The following SS18 variants were observed in gnomAD, a reference collection of about 807,000 sequenced individuals.
SS18 encodes protein SSXT.
In SS18, 28 loss-of-function variants were observed where a neutral mutation model predicts 72.5. The observed-to-expected ratio is 0.39, with a 90% CI of 0.29 to 0.53. The LOEUF is 0.53. Among genes scored for constraint, SS18 ranks in the 20% least tolerant of loss-of-function variants. The pLI is 0.76. For synonymous variants in SS18, 172 were observed against 164.2 expected (o/e 1.05, Z -0.37); for missense variants, 518 against 535.3 (o/e 0.97, Z 0.32).
intron 3 of SS18, among the ~76,000 whole-genome samples, chr18:26,077,508 A>G (rs1052835573): frequency 2.6e-5 from 4 of 152,160 alleles, no homozygotes; most frequent in Non-Finnish European, 5.9e-5. Context: ...ACTAAGACAC[A>G]TATCAACCAA....
intron 2 of SS18, 142 bp from the exon 3 acceptor site, chr18:26,078,302 T>A: frequency 1.9e-6 from 1 of 535,766 alleles, no homozygotes; most frequent in Non-Finnish European, 3.3e-6. Flanking sequence ...TTTCCTACAC[T>A]GCAAAAGTTC....
In SS18 at chr18:26,057,566, T is replaced by C. The variant is rs139968250; in HGVS notation, c.385+23A>G. ...AGTTGCTAAGCAACTCTGGTGTTAA[T>C]GTCTTAGAGGAGAAAAACTTACCAG... On this transcript the variant is annotated intron_variant, in intron 4 of 10. Coordinates refer to ENST00000415083, the MANE Select transcript of SS18 (RefSeq NM_001007559.3). 368 of 1,613,914 alleles carry C rather than the reference T, an allele frequency of 2.3e-4. 3 individuals carry two copies. The East Asian group carries it at 8.2e-3, about 36-fold the overall frequency.
At chr18:26,083,205 T>A (rs2054558864) in intron 2 of SS18, among the ~76,000 whole-genome samples, 2 of 152,146 alleles carry the variant, frequency 1.3e-5, no homozygotes, top group South Asian at 2.1e-4. Flanking sequence ...GTTCACCAAG[T>A]ATATGTGAGA....
At chr18:26,087,054 A>G (rs1283465871) in intron 2 of SS18, among the ~76,000 whole-genome samples, 1 of 152,256 alleles carries the variant, frequency 6.6e-6, no homozygotes, top group Non-Finnish European at 1.5e-5. Context: ...AATGTGGTAC[A>G]GCTGCATAAC....
rs571089682 is a variant in SS18 at position 26,084,870 on chromosome 18, T to C, written c.146+2631A>G. Among the ~76,000 whole-genome samples, 18 of 152,318 alleles carry C rather than the reference T, an allele frequency of 1.2e-4. No individual in the cohort carries two copies. In the East Asian group the frequency reaches 1.9e-3, roughly 16 times the overall value. ...CCCTGGACCAGAAAATATGCACTAA[T>C]AGGACAACTGGCAAAATTCAAAAAA... On this transcript the variant is annotated intron_variant, in intron 2 of 10. Transcript: ENST00000415083.
At position 26,016,522 on chromosome 18, in the gene SS18, A is replaced by T. The variant is rs1447267067; in HGVS notation, c.*1832T>A. Reference sequence around the variant, plus strand: ...TGGATCACCTGAGGTCAGGAGTTCGAGACCAGCCTGGCCAACATGGCGAAA... The same window carrying T: ...TGGATCACCTGAGGTCAGGAGTTCGTGACCAGCCTGGCCAACATGGCGAAA... On this transcript the variant is annotated 3_prime_UTR_variant, in exon 11 of 11. Coordinates refer to ENST00000415083, the MANE Select transcript of SS18 (RefSeq NM_001007559.3). The T allele has an allele frequency of 5.5e-6, 1 of 180,528 alleles. No homozygotes were observed. Among genetic ancestry groups the T allele is most frequent in the Non-Finnish European group, 1.2e-5 (1 of 84,444 alleles). The allele number at this position is 180,528 out of a possible 1,614,324, so 11.2% of individuals were successfully genotyped here.
At chr18:26,073,858 C>A (rs1287819134) in intron 3 of SS18, among the ~76,000 whole-genome samples, 2 of 152,126 alleles carry the variant, frequency 1.3e-5, no homozygotes, top group East Asian at 3.8e-4. Context: ...TCACTGAATA[C>A]CATTTTTACT....
Position 26,082,267 on chromosome 18 carries a change from TC to T in SS18, c.147-4108del, listed in dbSNP as rs542895843. On this transcript the variant is annotated intron_variant, in intron 2 of 10. Transcript: ENST00000415083. ...CACAGAGGCCACTAAGAGTAACTCA[TC>T]AATTACTTTGAATAAAGTAAAATGG... is the stretch of plus-strand genomic sequence containing the variant. 1.5e-3 allele frequency: 794 copies of T among 539,224 alleles called. 4 individuals are homozygous for T. Among genetic ancestry groups the T allele is most frequent in the African/African-American group, 0.014 (690 of 48,786 alleles). 33.4% of individuals were successfully genotyped at this position (539,224 alleles called of 1,614,324 possible).
At chr18:26,046,714 A>T (rs773454734) in intron 5 of SS18, among the ~76,000 whole-genome samples, 9 of 152,210 alleles carry the variant, frequency 5.9e-5, no homozygotes, top group Non-Finnish European at 1.2e-4. Flanking sequence ...TATGTTGGCC[A>T]AGTCCCTCTT....
At chr18:26,036,345 C>T (rs898115393) in intron 7 of SS18, among the ~76,000 whole-genome samples, 1 of 152,200 alleles carries the variant, frequency 6.6e-6, no homozygotes, top group East Asian at 1.9e-4. Context: ...AAAAACAATG[C>T]AAAATATAAA....
intron 5 of SS18, among the ~76,000 whole-genome samples, chr18:26,043,410 C>T (rs879573324): frequency 6.6e-6 from 1 of 151,334 alleles, no homozygotes; most frequent in Admixed American, 6.6e-5. Flanking sequence ...AGATAATACC[C>T]TCCTCAGGCC....
At chr18:26,078,231 T>C (rs1243435512) in intron 2 of SS18, 71 bp from the exon 3 acceptor site, 3 of 1,048,716 alleles carry the variant, frequency 2.9e-6, no homozygotes, top group East Asian at 2.5e-5. Flanking sequence ...CAAACAGCAC[T>C]ATAATCATTT....
In SS18 at chr18:26,018,387, G is replaced by A. The variant is rs775218070; in HGVS notation, c.1231-7C>T. 2 of 1,567,038 alleles carry A rather than the reference G, an allele frequency of 1.3e-6. No individual in the cohort carries two copies. The highest frequency in any genetic ancestry group is 8.8e-7 in the Non-Finnish European group (1 of 1,141,222). On this transcript the variant is annotated splice_region_variant and splice_polypyrimidine_tract_variant and intron_variant, in intron 10 of 10. Coordinates refer to ENST00000415083, the MANE Select transcript of SS18 (RefSeq NM_001007559.3). The stretch of plus-strand genomic sequence containing the variant: ...GGTAATTTCCATACTGTCCCTAAAA[G>A]ATAAATTTAAAAATATAATTAGATA...
At chr18:26,078,282 C>T in intron 2 of SS18, 122 bp from the exon 3 acceptor site, 1 of 596,058 alleles carries the variant, frequency 1.7e-6, no homozygotes, top group Non-Finnish European at 2.8e-6. Context: ...ACATCAATAG[C>T]ACTTCAATTT....
intron 3 of SS18, among the ~76,000 whole-genome samples, chr18:26,062,849 C>T (rs2054148131): frequency 6.6e-6 from 1 of 152,120 alleles, no homozygotes; most frequent in South Asian, 2.1e-4. Context: ...GTATACATCT[C>T]ACAACACTGC....
intron 3 of SS18, among the ~76,000 whole-genome samples, chr18:26,066,600 G>GCGCGCACACACACACACA (rs148515889): frequency 1.4e-5 from 2 of 144,332 alleles, no homozygotes; most frequent in African/African-American, 2.6e-5. Flanking sequence ...GGAAATTTGT[G>GCGCGCACACACACACACA]CACACACACA....
chr18:26,090,617 C>G (rs2054710112), upstream of SS18: 7 of 1,537,720 alleles, frequency 4.6e-6, no homozygotes, highest in Non-Finnish European at 6.2e-6. Context: ...TCCGGGTGAA[C>G]GGCAAACTGG....
intron 1 of SS18, among the ~76,000 whole-genome samples, chr18:26,089,601 G>A (rs866497875): frequency 2.0e-5 from 3 of 152,194 alleles, no homozygotes; most frequent in Admixed American, 6.5e-5. Flanking sequence ...TGAAAGTCTA[G>A]GTCAGTAAAA....
chr18:26,082,765 T>C (rs146721424), intron 2 of SS18, among the ~76,000 whole-genome samples: 2 of 152,230 alleles, frequency 1.3e-5, no homozygotes, highest in Non-Finnish European at 2.9e-5. Context: ...ACAAAGGTAC[T>C]ACCACTGAAA....
Sources: gnomAD v4.1 joint callset for allele counts (sites outside exome capture counted in the v4.1 genomes callset) on GRCh38, gnomAD v4.1.1 for gene constraint, MANE v1.5 for transcripts, NCBI Gene and HGNC (gene_info 2026-07-23, HGNC 2026-07-21) for gene names.